RBL2: variants seen among roughly 807,000 people sequenced by gnomAD.
The protein encoded by RBL2 is retinoblastoma-like protein 2.
In RBL2, 56 loss-of-function variants were observed where a neutral mutation model predicts 126.0. The observed-to-expected ratio is 0.44, with a 90% CI of 0.36 to 0.56. The LOEUF (loss-of-function observed/expected upper bound fraction) is 0.56. RBL2 is among the 20% of genes least tolerant of loss of function. The pLI is 0.00. For missense variants in RBL2, 1,229 were observed against 1,398.2 expected (o/e 0.88, Z 1.93); for synonymous variants, 454 against 478.5 (o/e 0.95, Z 0.67).
Position 53,480,737 on chromosome 16 carries a change from A to G in RBL2, c.3052A>G (p.Lys1018Glu). The G allele has an allele frequency of 6.2e-7, 1 of 1,613,228 alleles. No homozygotes were observed. Among genetic ancestry groups the G allele is most frequent in the Non-Finnish European group, 8.5e-7 (1 of 1,179,938 alleles). Residue 1018 changes from lysine to glutamate, a missense_variant, in exon 20 of 22, where the codon AAG becomes GAG. Lys to Glu is a moderately conservative substitution (Grantham distance 56, BLOSUM62 1). Around this residue, in one of 2 missense-constraint regions of RBL2, gnomAD observed 1,070 missense variants for 1,274.3 expected, o/e 0.84. Coordinates refer to ENST00000262133, the MANE Select transcript of RBL2 (RefSeq NM_005611.4). ...FYNNIYIKQI[K>E]TFAMKYSQAN... is the part of the protein sequence containing the mutation. Reference sequence around the variant, plus strand: ...CAACAACATCTACATCAAACAGATTAAGACATTTGCCATGAAGTACTCACA... The same window carrying G: ...CAACAACATCTACATCAAACAGATTGAGACATTTGCCATGAAGTACTCACA...
chr16:53,436,931 CTT>C (rs1443221253), intron 1 of RBL2, among the ~76,000 whole-genome samples: 5 of 152,226 alleles, frequency 3.3e-5, no homozygotes, highest in Admixed American at 2.6e-4. Flanking sequence ...AGAGTCTACT[CTT>C]TGCATAAATT....
rs1413109313 is a variant in RBL2, at chr16:53,491,238, T to TA, written c.*942dup. ...CCTCTTCCTTTAGGAGGGAGTTATC[T>TA]AAAAGAAATGTCTATTAAGGTGATA... On this transcript the variant is annotated 3_prime_UTR_variant, in exon 22 of 22. Transcript: ENST00000262133. 1.3e-5 allele frequency: 2 copies of TA among 152,186 alleles called. No homozygotes were observed. The highest frequency in any genetic ancestry group is 4.8e-5 in the African/African-American group (2 of 41,442). 9.4% of individuals were successfully genotyped at this position (152,186 alleles called of 1,614,324 possible).
intron 2 of RBL2, among the ~76,000 whole-genome samples, chr16:53,442,132 A>G (rs1800823505): frequency 1.3e-5 from 2 of 151,712 alleles, no homozygotes; most frequent in South Asian, 2.1e-4. Context: ...GACTGCTTCT[A>G]TAGTGTTGCT....
At chr16:53,477,154 G>T (rs1960755606) in intron 17 of RBL2, among the ~76,000 whole-genome samples, 1 of 152,066 alleles carries the variant, frequency 6.6e-6, no homozygotes, top group South Asian at 2.1e-4. Context: ...CTTAATTCCA[G>T]TGAGATATAG....
At chr16:53,488,386 G>A (rs1961259025) in intron 21 of RBL2, 1 of 152,222 alleles carries the variant, frequency 6.6e-6, no homozygotes, top group South Asian at 2.1e-4. Flanking sequence ...GGGATAGGCT[G>A]ACAAGGGAGT....
intron 12 of RBL2, 182 bp downstream of exon 12, chr16:53,464,545 T>A: frequency 2.0e-6 from 1 of 489,328 alleles, no homozygotes; most frequent in South Asian, 4.8e-5. Flanking sequence ...CTTTTAATAT[T>A]GTATGAAAGA....
chr16:53,444,924 G>C (rs777004683), intron 3 of RBL2, among the ~76,000 whole-genome samples: 6 of 152,188 alleles, frequency 3.9e-5, no homozygotes, highest in Non-Finnish European at 5.9e-5. Context: ...AGGCCAATGT[G>C]ATCATTTATG....
chr16:53,479,420 A>G (rs917696104), intron 18 of RBL2, 195 bp downstream of exon 18: 3 of 559,532 alleles, frequency 5.4e-6, no homozygotes, highest in African/African-American at 1.9e-5. Context: ...AAAGGCAACA[A>G]TGTTAAATAT....
At chr16:53,479,036 C>A (rs942907931) in intron 17 of RBL2, 118 bp from the exon 18 acceptor site, 1 of 769,156 alleles carries the variant, frequency 1.3e-6, no homozygotes, top group Non-Finnish European at 2.2e-6. Context: ...TTTCCAGAGA[C>A]TTTAAATAGC....
chr16:53,462,780 G>T, intron 11 of RBL2, 125 bp downstream of exon 11: 1 of 609,474 alleles, frequency 1.6e-6, no homozygotes, highest in Non-Finnish European at 2.8e-6. Flanking sequence ...TTTTAATTTT[G>T]ATGAAATCCA....
At chr16:53,466,575 A>T (rs886344531) in intron 13 of RBL2, among the ~76,000 whole-genome samples, 17 of 152,000 alleles carry the variant, frequency 1.1e-4, no homozygotes, top group African/African-American at 4.1e-4. Context: ...GGAGCATGCA[A>T]CCTAGATCCC....
intron 14 of RBL2, among the ~76,000 whole-genome samples, chr16:53,467,545 G>A (rs751084150): frequency 1.1e-4 from 16 of 152,050 alleles, no homozygotes; most frequent in Non-Finnish European, 1.9e-4. Context: ...GCGCCACCAC[G>A]CCTAGCTAAT....
At chr16:53,477,281 G>GT (rs1567744675) in intron 17 of RBL2, among the ~76,000 whole-genome samples, 2 of 152,200 alleles carry the variant, frequency 1.3e-5, no homozygotes, top group African/African-American at 4.8e-5. Context: ...GGAAAGGAGT[G>GT]TAAGTATGTA....
intron 1 of RBL2, among the ~76,000 whole-genome samples, chr16:53,436,823 A>G (rs775078098): frequency 2.0e-5 from 3 of 152,210 alleles, no homozygotes; most frequent in Non-Finnish European, 2.9e-5. Context: ...ATTTGACCCT[A>G]GAAGATGTGA....
At chr16:53,488,884 G>C (rs989394792) in intron 21 of RBL2, 16 of 152,096 alleles carry the variant, frequency 1.1e-4, no homozygotes, top group Admixed American at 3.9e-4. Context: ...GCAGAAAGGG[G>C]GCTAGAAAAA....
At chr16:53,451,635 A>C (rs1482720144) in intron 4 of RBL2, 68 bp from the exon 5 acceptor site, 4 of 1,535,990 alleles carry the variant, frequency 2.6e-6, no homozygotes, top group South Asian at 2.4e-5. Flanking sequence ...TAAGTAAAGG[A>C]AGAAATTTTT....
chr16:53,450,048 T>C (rs539881563), intron 4 of RBL2, among the ~76,000 whole-genome samples: 3 of 145,182 alleles, frequency 2.1e-5, no homozygotes, highest in Non-Finnish European at 4.5e-5. Context: ...TAGCTTGAAA[T>C]CAGTAGGTGC....
intron 14 of RBL2, among the ~76,000 whole-genome samples, chr16:53,468,163 A>C (rs974067463): frequency 2.0e-5 from 3 of 152,244 alleles, no homozygotes; most frequent in Admixed American, 6.5e-5. Flanking sequence ...GATCCAATTA[A>C]AAGAATATTC....
Position 53,471,050 on chromosome 16 carries a change from G to A in RBL2, c.2703+128G>A, listed in dbSNP as rs2058318722. The A allele has an allele frequency of 5.3e-6, 5 of 942,176 alleles. No homozygotes were observed. The South Asian group carries it at 7.0e-5, about 13-fold the overall frequency. The allele number at this position is 942,176 out of a possible 1,614,324, so 58.4% of individuals were successfully genotyped here. The stretch of plus-strand genomic sequence containing the variant: ...CTATTTAAAATGCACAACTAAATGG[G>A]TCTTAGTATATTCACAGATATGTGC... On this transcript the variant is annotated intron_variant, in intron 17 of 21. Coordinates refer to ENST00000262133, the MANE Select transcript of RBL2 (RefSeq NM_005611.4).
Sources: gnomAD v4.1 joint callset for allele counts (sites outside exome capture counted in the v4.1 genomes callset) on GRCh38, gnomAD v4.1.1 for gene constraint, gnomAD v4.1.1 regional missense constraint, MANE v1.5 for transcripts, NCBI Gene and HGNC (gene_info 2026-07-23, HGNC 2026-07-21) for gene names.